TOX2: variants seen among roughly 807,000 people sequenced by gnomAD.
TOX2 encodes granulosa cell HMG box 1.
A neutral mutation model predicts 47.4 loss-of-function variants in TOX2; 15 were observed. The ratio of observed to expected loss-of-function variants is 0.32; its 90% CI spans 0.21 to 0.49. The LOEUF is 0.49. TOX2 is among the 20% of genes least tolerant of loss of function. The pLI is 0.99. For missense variants in TOX2, 622 were observed against 673.1 expected (o/e 0.92, Z 0.84); for synonymous variants, 290 against 296.6 (o/e 0.98, Z 0.23).
chr20:44,007,562 G>A (rs2070709744), intron 3 of TOX2: 1 of 152,376 alleles, frequency 6.6e-6, no homozygotes, highest in Non-Finnish European at 1.5e-5. Flanking sequence ...AAAATGCTCT[G>A]TTGCCGGGCA....
At chr20:44,061,489 A>G (rs6031333) in intron 5 of TOX2, among the ~76,000 whole-genome samples, 6,715 of 151,284 alleles carry the variant, frequency 0.044, 510 homozygotes, top group African/African-American at 0.15. Context: ...AAAGCCATCT[A>G]TGATAAACCA....
At chr20:43,945,922 A>G (rs2069461925) in intron 1 of TOX2, 1 of 1,613,102 alleles carries the variant, frequency 6.2e-7, no homozygotes, top group African/African-American at 1.3e-5. Flanking sequence ...TATGCAGCAG[A>G]CTCGCACAGA....
intron 1 of TOX2, among the ~76,000 whole-genome samples, chr20:43,920,668 G>A (rs2069103495): frequency 6.6e-6 from 1 of 152,182 alleles, no homozygotes; most frequent in African/African-American, 2.4e-5. Context: ...TGGCACTGCT[G>A]CCCCCGATCT....
chr20:44,028,640 AGAC>A (rs2071101765), intron 3 of TOX2, among the ~76,000 whole-genome samples: 1 of 152,076 alleles, frequency 6.6e-6, no homozygotes, highest in South Asian at 2.1e-4. Flanking sequence ...TGATACAGAC[AGAC>A]AAAGACGCAA....
chr20:44,025,244 C>G (rs1188862027), intron 3 of TOX2, among the ~76,000 whole-genome samples: 2 of 151,954 alleles, frequency 1.3e-5, no homozygotes, highest in African/African-American at 4.8e-5. Flanking sequence ...CCCTTGGATG[C>G]GTCGAGCCTC....
intron 1 of TOX2, among the ~76,000 whole-genome samples, chr20:43,962,501 G>T (rs910932105): frequency 5.3e-5 from 8 of 152,224 alleles, no homozygotes; most frequent in African/African-American, 1.9e-4. Flanking sequence ...CCCCCAGCCT[G>T]CAAACTGGCT....
At chr20:43,918,967 A>G (rs528026476) in intron 1 of TOX2, among the ~76,000 whole-genome samples, 3 of 152,340 alleles carry the variant, frequency 2.0e-5, no homozygotes, top group African/African-American at 4.8e-5. Flanking sequence ...GATAACAACA[A>G]TATCAACCAT....
chr20:44,055,065 T>TC lies in TOX2; in HGVS notation c.879+545dup, dbSNP rs552393627. ...CTGAGCTCACATCTGGGCTGGGCTT[T>TC]CCCCCCGGTATGTCACTGAATCCTT... On this transcript the variant is annotated intron_variant, in intron 5 of 8. Transcript: ENST00000341197. Among the ~76,000 whole-genome samples, 49 of 152,272 alleles carry TC rather than the reference T, an allele frequency of 3.2e-4. 1 individual carries two copies. The South Asian group carries it at 8.5e-3, about 26-fold the overall frequency.
chr20:43,978,076 GGT>G (rs1482554805), intron 2 of TOX2, among the ~76,000 whole-genome samples: 2 of 152,144 alleles, frequency 1.3e-5, no homozygotes, highest in African/African-American at 2.4e-5. Flanking sequence ...AAGTAAATGA[GGT>G]GTGTGTGTAT....
intron 3 of TOX2, among the ~76,000 whole-genome samples, chr20:44,035,346 G>C (rs534511155): frequency 1.3e-5 from 2 of 152,154 alleles, no homozygotes; most frequent in Non-Finnish European, 2.9e-5. Context: ...CCAGGTCCAT[G>C]TCAGCTCCAC....
intron 1 of TOX2, among the ~76,000 whole-genome samples, chr20:43,945,481 A>G (rs773832146): frequency 1.3e-5 from 2 of 152,228 alleles, no homozygotes; most frequent in African/African-American, 4.8e-5. Flanking sequence ...GTATTTCTGC[A>G]GGATGGATGC....
At chr20:44,038,157 G>T (rs1189619471) in intron 3 of TOX2, among the ~76,000 whole-genome samples, 1 of 152,182 alleles carries the variant, frequency 6.6e-6, no homozygotes, top group Non-Finnish European at 1.5e-5. Context: ...GCACTCTGGG[G>T]AGCTGAGGAG....
chr20:44,044,632 C>T (rs1337828009), intron 3 of TOX2, among the ~76,000 whole-genome samples: 1 of 151,948 alleles, frequency 6.6e-6, no homozygotes, highest in Non-Finnish European at 1.5e-5. Context: ...AAACGAGTGG[C>T]GTGGATGTGT....
intron 3 of TOX2, among the ~76,000 whole-genome samples, chr20:44,037,706 C>T (rs1458922300): frequency 1.3e-5 from 2 of 152,012 alleles, no homozygotes; most frequent in Non-Finnish European, 2.9e-5. Context: ...TTATTGCTAT[C>T]ATTTTCTATA....
At chr20:43,917,833 G>A (rs1313900081) in intron 1 of TOX2, among the ~76,000 whole-genome samples, 1 of 152,124 alleles carries the variant, frequency 6.6e-6, no homozygotes, top group Non-Finnish European at 1.5e-5. Flanking sequence ...TAGCTTAACA[G>A]GTATGAAGAA....
intron 1 of TOX2, among the ~76,000 whole-genome samples, chr20:43,942,446 G>A (rs2069413986): frequency 6.6e-6 from 1 of 152,216 alleles, no homozygotes; most frequent in Non-Finnish European, 1.5e-5. Context: ...GGGAGGCCAA[G>A]ACGGGAGGAT....
Position 43,952,192 on chromosome 20 carries a change from C to T in TOX2, c.100-21175C>T, listed in dbSNP as rs374071703. Among the ~76,000 whole-genome samples, 22 of 152,210 alleles carry T rather than the reference C, an allele frequency of 1.4e-4. 2 individuals are homozygous for T. Among genetic ancestry groups the T allele is most frequent in the Admixed American group, 3.9e-4 (6 of 15,298 alleles). On this transcript the variant is annotated intron_variant, in intron 1 of 8. Transcript: ENST00000341197. Reference sequence around the variant, plus strand: ...CTGGAATTACAGGCGTGAGCCACTGCGCCCAGCAGAAAAGTAATTTTTTTT... The same window carrying T: ...CTGGAATTACAGGCGTGAGCCACTGTGCCCAGCAGAAAAGTAATTTTTTTT...
At chr20:44,055,024 G>A (rs1352887738) in intron 5 of TOX2, among the ~76,000 whole-genome samples, 3 of 152,218 alleles carry the variant, frequency 2.0e-5, no homozygotes, top group African/African-American at 7.2e-5. Flanking sequence ...AAACAGGGGT[G>A]CTGGCTACTC....
At chr20:43,931,134 T>C (rs1163388023) in intron 1 of TOX2, among the ~76,000 whole-genome samples, 2 of 152,162 alleles carry the variant, frequency 1.3e-5, no homozygotes, top group Non-Finnish European at 2.9e-5. Flanking sequence ...TACACATACA[T>C]CTTTTATGTT....
Sources: allele counts gnomAD v4.1 joint callset (sites outside exome capture counted in the v4.1 genomes callset), GRCh38; gene constraint gnomAD v4.1.1; transcripts MANE v1.5; gene names NCBI Gene and HGNC (gene_info 2026-07-23, HGNC 2026-07-21).